MASP1: variants seen among roughly 807,000 people sequenced by gnomAD.
MASP1 encodes the protein mannan-binding lectin serine protease 1.
In MASP1, 59 loss-of-function variants were observed where a neutral mutation model predicts 77.1. That is an observed-to-expected ratio of 0.77 (90% CI 0.62 to 0.95). MASP1 has a LOEUF of 0.95. MASP1 is among the 40% of genes least tolerant of loss of function. The pLI is 0.00. For synonymous variants in MASP1, 362 were observed against 354.5 expected (o/e 1.02, Z -0.24); for missense variants, 885 against 912.9 (o/e 0.97, Z 0.39).
At position 187,235,513 on chromosome 3, in the gene MASP1, C is replaced by T; in HGVS notation, c.*171G>A. The T allele has an allele frequency of 6.5e-7, 1 of 1,530,788 alleles. No homozygotes were observed. Among genetic ancestry groups the T allele is most frequent in the Non-Finnish European group, 8.7e-7 (1 of 1,145,064 alleles). The allele number at this position is 1,530,788 out of a possible 1,614,324, so 94.8% of individuals were successfully genotyped here. Reference sequence around the variant, plus strand: ...ACAGGTCTCCTGCCTGGAGCCTTTTCCCTATACCACACTCTGCCTCTCAGG... The same window carrying T: ...ACAGGTCTCCTGCCTGGAGCCTTTTTCCTATACCACACTCTGCCTCTCAGG... On this transcript the variant is annotated 3_prime_UTR_variant, in exon 11 of 11. Coordinates refer to ENST00000296280, the MANE Select transcript of MASP1 (RefSeq NM_139125.4).
chr3:187,252,370 C>T (rs916584351), intron 6 of MASP1, among the ~76,000 whole-genome samples: 2 of 152,204 alleles, frequency 1.3e-5, no homozygotes, highest in Admixed American at 1.3e-4. Flanking sequence ...TCCCGAGGCC[C>T]TTCTTCAAAG....
In MASP1 at chr3:187,277,870, A is replaced by G. The variant is rs377574254; in HGVS notation, c.237+7955T>C. Among the ~76,000 whole-genome samples, 5 of 152,372 alleles carry G rather than the reference A, an allele frequency of 3.3e-5. No individual in the cohort carries two copies. In the South Asian group the frequency reaches 8.3e-4, roughly 25 times the overall value. ...AATAAATAACCTCCTGCTTTCGAATAGTGCTTTGGAAGCACTTTTCCATAA... is the reference window on the plus strand; with the variant it reads ...AATAAATAACCTCCTGCTTTCGAATGGTGCTTTGGAAGCACTTTTCCATAA... On this transcript the variant is annotated intron_variant, in intron 2 of 10. Coordinates refer to ENST00000296280, the MANE Select transcript of MASP1 (RefSeq NM_139125.4).
At chr3:187,220,055 G>C (rs1258496003) in exon 16 of MASP1, 1 of 1,612,824 alleles carries the variant, frequency 6.2e-7, no homozygotes, top group Non-Finnish European at 8.5e-7. Flanking sequence ...GTGGTGCTGG[G>C]GCTGAGGAGC....
intron 2 of MASP1, among the ~76,000 whole-genome samples, chr3:187,266,135 A>G (rs1430604990): frequency 6.6e-6 from 1 of 151,770 alleles, no homozygotes; most frequent in East Asian, 1.9e-4. Flanking sequence ...CGAATAATAA[A>G]CTCTTCATTT....
rs574248258 is a variant in MASP1 at position 187,266,588 on chromosome 3, G to C, written c.238-3868C>G. On this transcript the variant is annotated intron_variant, in intron 2 of 10. Coordinates refer to ENST00000296280, the MANE Select transcript of MASP1 (RefSeq NM_139125.4). ...GGTAGAAATCATAGATGGAGGGTAGGGGGTGGGTAGAGTATGTAGGGAGAG... is the reference window on the plus strand; with the variant it reads ...GGTAGAAATCATAGATGGAGGGTAGCGGGTGGGTAGAGTATGTAGGGAGAG... Among the ~76,000 whole-genome samples, 12 of 152,230 alleles carry C rather than the reference G, an allele frequency of 7.9e-5. No individual in the cohort carries two copies. The East Asian group carries it at 2.3e-3, about 29-fold the overall frequency.
At chr3:187,225,422 G>A (rs762802459) in exon 13 of MASP1, 1 of 1,614,214 alleles carries the variant, frequency 6.2e-7, no homozygotes, top group African/African-American at 1.3e-5. Context: ...ATTCTCGAAT[G>A]TGTTGGGATC....
chr3:187,270,525 T>C (rs1047559251), intron 2 of MASP1, among the ~76,000 whole-genome samples: 4 of 152,158 alleles, frequency 2.6e-5, no homozygotes, highest in African/African-American at 9.7e-5. Context: ...CCATGCTCCC[T>C]GGCTATAAAT....
At chr3:187,259,463 CAG>C (rs1432056568) in intron 4 of MASP1, among the ~76,000 whole-genome samples, 1 of 152,114 alleles carries the variant, frequency 6.6e-6, no homozygotes, top group South Asian at 2.1e-4. Context: ...AGTACATAAA[CAG>C]ATATATAGTC....
At chr3:187,239,567 G>GC (rs1457625691) in intron 10 of MASP1, among the ~76,000 whole-genome samples, 2 of 152,150 alleles carry the variant, frequency 1.3e-5, no homozygotes, top group Admixed American at 6.5e-5. Flanking sequence ...TCTATCCCTA[G>GC]CTTTTTTTTG....
intron 8 of MASP1, among the ~76,000 whole-genome samples, chr3:187,248,749 T>A (rs1714314607): frequency 6.6e-6 from 1 of 152,162 alleles, no homozygotes; most frequent in South Asian, 2.1e-4. Flanking sequence ...AGTCAACATT[T>A]TTTGAAACAT....
chr3:187,241,687 G>T, intron 9 of MASP1, 132 bp from the exon 10 acceptor site: 3 of 691,880 alleles, frequency 4.3e-6, no homozygotes, highest in Non-Finnish European at 8.0e-6. Context: ...TCTAGGCTCA[G>T]ATACGATTGT....
intron 8 of MASP1, among the ~76,000 whole-genome samples, chr3:187,248,023 T>C (rs1374606212): frequency 6.6e-6 from 1 of 152,220 alleles, no homozygotes. Flanking sequence ...TCCTCAGTCC[T>C]GTCCTTGCCT....
intron 8 of MASP1, chr3:187,246,742 C>T: frequency 1.0e-6 from 1 of 978,430 alleles, no homozygotes; most frequent in Non-Finnish European, 1.2e-6. Context: ...GAAGACAGAA[C>T]CTCTAATGAT....
chr3:187,273,799 G>T (rs1182884588), intron 2 of MASP1, among the ~76,000 whole-genome samples: 2 of 152,208 alleles, frequency 1.3e-5, no homozygotes, highest in East Asian at 3.8e-4. Context: ...ACTCTTGAAA[G>T]CCATGTAAAG....
At chr3:187,251,884 C>A in intron 6 of MASP1, 132 bp from the exon 7 acceptor site, 8 of 742,750 alleles carry the variant, frequency 1.1e-5, no homozygotes, top group South Asian at 1.0e-4. Flanking sequence ...ATGGATCTTC[C>A]AAGCCCTGCA....
At chr3:187,243,439 G>GA in intron 9 of MASP1, 45 bp downstream of exon 9, 2 of 1,611,940 alleles carry the variant, frequency 1.2e-6, no homozygotes, top group Non-Finnish European at 1.7e-6. Context: ...CTGAGGCCCC[G>GA]AGAGTGTGAA....
exon 16 of MASP1, chr3:187,219,245 G>C (rs1395152909): frequency 6.6e-6 from 1 of 152,218 alleles, no homozygotes; most frequent in Admixed American, 6.5e-5. Flanking sequence ...TTGTATCTTA[G>C]ATCGTCAGAG....
At chr3:187,262,497 GGAGA>G (rs141348175) in intron 3 of MASP1, 42 bp downstream of exon 3, 23 of 1,475,038 alleles carry the variant, frequency 1.6e-5, no homozygotes, top group Non-Finnish European at 2.0e-5. Context: ...TTTCATCTTC[GGAGA>G]GAGAGAGAGA....
rs549344037 is a variant in MASP1 at position 187,254,127 on chromosome 3, G to T, written c.745-812C>A. 9.2e-4 allele frequency among the ~76,000 whole-genome samples: 140 copies of T among 152,124 alleles called. 2 individuals carry two copies. In the South Asian group the frequency reaches 9.3e-3, roughly 10 times the overall value. On this transcript the variant is annotated intron_variant, in intron 5 of 10. Transcript: ENST00000296280. ...AAAGAACCTGCAGTCTAGTTGGGGG[G>T]ACTAATAAGAAATAATAAACAAAAT...
Sources: allele counts gnomAD v4.1 joint callset (sites outside exome capture counted in the v4.1 genomes callset), GRCh38; gene constraint gnomAD v4.1.1; transcripts MANE v1.5; gene names NCBI Gene and HGNC (gene_info 2026-07-23, HGNC 2026-07-21).